Variants in PRRX2 observed in about 807,000 individuals in gnomAD.
PRRX2 encodes the protein paired related homeobox 2.
A neutral mutation model predicts 18.0 loss-of-function variants in PRRX2; 11 were observed. The ratio of observed to expected loss-of-function variants is 0.61; its 90% CI spans 0.39 to 1.01. The LOEUF (loss-of-function observed/expected upper bound fraction) is 1.01. Ranked by LOEUF, PRRX2 falls within the 50% of genes least tolerant of loss-of-function variation. The pLI is 0.01. For missense variants in PRRX2, 387 were observed against 351.0 expected (o/e 1.10, Z -0.82); for synonymous variants, 177 against 154.8 (o/e 1.14, Z -1.06).
intron 1 of PRRX2, among the ~76,000 whole-genome samples, chr9:129,684,011 A>G (rs1407390200): frequency 1.3e-5 from 2 of 152,178 alleles, no homozygotes; most frequent in Non-Finnish European, 2.9e-5. Context: ...AGAGGGACCC[A>G]TGACCCTGGA....
Position 129,720,781 on chromosome 9 carries a change from G to T in PRRX2, c.626+7G>T. ...CAGCCTCGTCCCCCTACAGGTGAGA[G>T]CGGGAACACCTTTGGGCCAGGAAGG... On this transcript the variant is annotated splice_region_variant and intron_variant, in intron 3 of 3. Transcript: ENST00000372469. 1 of 1,558,182 alleles carries T rather than the reference G, an allele frequency of 6.4e-7. No homozygotes were observed. Among genetic ancestry groups the T allele is most frequent in the Non-Finnish European group, 8.7e-7 (1 of 1,150,048 alleles).
chr9:129,697,316 T>TCCCGCC (rs1235594089), intron 1 of PRRX2, among the ~76,000 whole-genome samples: 1 of 150,460 alleles, frequency 6.6e-6, no homozygotes, highest in African/African-American at 2.5e-5. Flanking sequence ...GAGCGCTGCG[T>TCCCGCC]CCCGCTCCCC....
chr9:129,677,120 C>T (rs969613972), intron 1 of PRRX2, among the ~76,000 whole-genome samples: 1 of 152,204 alleles, frequency 6.6e-6, no homozygotes, highest in African/African-American at 2.4e-5. Flanking sequence ...AGGCGTGGTG[C>T]TGGGAAAATC....
At chr9:129,707,465 T>A (rs1832571040) in intron 1 of PRRX2, among the ~76,000 whole-genome samples, 1 of 151,984 alleles carries the variant, frequency 6.6e-6, no homozygotes, top group African/African-American at 2.4e-5. Flanking sequence ...GACATGTGGG[T>A]TGCTTTCACT....
intron 1 of PRRX2, among the ~76,000 whole-genome samples, chr9:129,682,031 G>A (rs1411234531): frequency 6.6e-6 from 1 of 152,190 alleles, no homozygotes; most frequent in South Asian, 2.1e-4. Flanking sequence ...CCCTGAGGAG[G>A]AGGCGTGGGT....
intron 1 of PRRX2, among the ~76,000 whole-genome samples, chr9:129,706,456 G>T (rs772900884): frequency 6.6e-6 from 1 of 152,116 alleles, no homozygotes; most frequent in Non-Finnish European, 1.5e-5. Context: ...CCAGCTACTC[G>T]GGAGGCTGAG....
At chr9:129,710,462 G>A (rs940556650) in intron 1 of PRRX2, among the ~76,000 whole-genome samples, 22 of 152,166 alleles carry the variant, frequency 1.4e-4, no homozygotes, top group Non-Finnish European at 2.5e-4. Context: ...GGCCGGGCGC[G>A]GTGGCTCACA....
intron 1 of PRRX2, among the ~76,000 whole-genome samples, chr9:129,712,007 G>A (rs1832629235): frequency 6.6e-6 from 1 of 152,148 alleles, no homozygotes; most frequent in African/African-American, 2.4e-5. Flanking sequence ...AAATCTCAGG[G>A]GGAAACCGAA....
chr9:129,722,077 CA>C, intron 3 of PRRX2, 139 bp from the exon 4 acceptor site: 1 of 1,256,662 alleles, frequency 8.0e-7, no homozygotes, highest in Non-Finnish European at 1.1e-6. Flanking sequence ...CCTACAGCTC[CA>C]AATCACCCCC....
chr9:129,698,356 G>C (rs1230434282), intron 1 of PRRX2, among the ~76,000 whole-genome samples: 3 of 151,936 alleles, frequency 2.0e-5, no homozygotes, highest in Non-Finnish European at 2.9e-5. Flanking sequence ...GCCGGGCTGG[G>C]CCAGGCCAAC....
At chr9:129,703,283 A>C (rs1235140838) in intron 1 of PRRX2, among the ~76,000 whole-genome samples, 2 of 152,172 alleles carry the variant, frequency 1.3e-5, no homozygotes, top group Admixed American at 1.3e-4. Flanking sequence ...AAGCCGCAGG[A>C]GTCTGAACGG....
At chr9:129,680,854 G>GTACCAT (rs1168328820) in intron 1 of PRRX2, among the ~76,000 whole-genome samples, 1 of 152,204 alleles carries the variant, frequency 6.6e-6, no homozygotes, top group Non-Finnish European at 1.5e-5. Context: ...GAGGCATCTT[G>GTACCAT]CTTTATTTTC....
At chr9:129,713,623 C>CT (rs900418720) in intron 1 of PRRX2, among the ~76,000 whole-genome samples, 6 of 151,492 alleles carry the variant, frequency 4.0e-5, no homozygotes, top group Admixed American at 1.3e-4. Flanking sequence ...CGATTTCTTC[C>CT]TTTTTTTTCT....
intron 1 of PRRX2, among the ~76,000 whole-genome samples, chr9:129,714,496 C>T (rs2130932984): frequency 6.6e-6 from 1 of 152,206 alleles, no homozygotes; most frequent in East Asian, 1.9e-4. Flanking sequence ...ACGTGGAGCA[C>T]TTGGCACCAC....
intron 1 of PRRX2, among the ~76,000 whole-genome samples, chr9:129,698,942 G>T (rs1184786584): frequency 6.6e-6 from 1 of 152,212 alleles, no homozygotes; most frequent in East Asian, 1.9e-4. Context: ...GGAGGATGCT[G>T]GCCCAGCTGG....
At chr9:129,686,220 C>G (rs897338638) in intron 1 of PRRX2, among the ~76,000 whole-genome samples, 3 of 152,148 alleles carry the variant, frequency 2.0e-5, no homozygotes, top group Non-Finnish European at 4.4e-5. Flanking sequence ...GGCTCCCCTT[C>G]TGGTGTTGCT....
chr9:129,715,750 T>TCTCTCTCTCTCTCTCTCTCA lies in PRRX2; in HGVS notation c.260-3480_260-3479insTCTCTCTCTCTCTCTCTCAC, dbSNP rs762929485. Among the ~76,000 whole-genome samples the TCTCTCTCTCTCTCTCTCTCA allele has an allele frequency of 8.6e-5, 12 of 138,952 alleles. No homozygotes were observed. The highest frequency in any genetic ancestry group is 5.0e-4 in the South Asian group (2 of 4,038). 91.2% of individuals were successfully genotyped at this position (138,952 alleles called of 152,430 possible). A position where few individuals can be genotyped will look rare whatever the true frequency, so the allele number is the denominator to read the frequency against. ...AAACCCAGCTTCAGGGACATCTTTCTCACACACACACACACACACACACAC... is the reference window on the plus strand; with the variant it reads ...AAACCCAGCTTCAGGGACATCTTTCTCTCTCTCTCTCTCTCTCTCACACACACACACACACACACACACAC... On this transcript the variant is annotated intron_variant, in intron 1 of 3. Transcript: ENST00000372469. The surrounding 1 kb of genome is among the most constrained non-coding windows in gnomAD (Gnocchi z 4.0).
intron 1 of PRRX2, among the ~76,000 whole-genome samples, chr9:129,680,315 C>T (rs765607055): frequency 6.7e-6 from 1 of 148,770 alleles, no homozygotes; most frequent in South Asian, 2.1e-4. Flanking sequence ...ACAGGAGAAT[C>T]GCTTGAACCT....
chr9:129,678,027 A>G (rs550588501), intron 1 of PRRX2, among the ~76,000 whole-genome samples: 19 of 141,636 alleles, frequency 1.3e-4, no homozygotes, highest in Non-Finnish European at 1.9e-4. Flanking sequence ...GCAGTGGCGC[A>G]ATCTCGGCTC....
Sources: allele counts gnomAD v4.1 joint callset (sites outside exome capture counted in the v4.1 genomes callset), GRCh38; gene constraint gnomAD v4.1.1; non-coding constraint Gnocchi (gnomAD v3.1); transcripts MANE v1.5; gene names NCBI Gene and HGNC (gene_info 2026-07-23, HGNC 2026-07-21).